ZNF385D: variants seen among roughly 807,000 people sequenced by gnomAD.
ZNF385D encodes the protein zinc finger protein 385D.
In ZNF385D, 15 loss-of-function variants were observed where a neutral mutation model predicts 35.8. The ratio of observed to expected loss-of-function variants is 0.42; its 90% CI spans 0.28 to 0.64. The LOEUF (loss-of-function observed/expected upper bound fraction) is 0.64. ZNF385D is among the 30% of genes least tolerant of loss of function. The pLI is 0.23. For missense variants in ZNF385D, 474 were observed against 494.6 expected, an observed-to-expected ratio of 0.96 and a Z score of 0.39; for synonymous variants, 212 against 186.8, an observed-to-expected ratio of 1.13 and a Z score of -1.10.
chr3:21,818,322 G>A (rs2073243080), intron 3 of ZNF385D, among the ~76,000 whole-genome samples: 1 of 152,002 alleles, frequency 6.6e-6, no homozygotes, highest in Admixed American at 6.6e-5. Context: ...TAGAACATAA[G>A]GTATAATAAT....
chr3:21,851,236 T>C (rs1371026817), intron 3 of ZNF385D, among the ~76,000 whole-genome samples: 3 of 152,016 alleles, frequency 2.0e-5, no homozygotes, highest in Non-Finnish European at 4.4e-5. Flanking sequence ...TGATCAGGCA[T>C]TACAGAAGAA....
At chr3:21,679,723 G>A (rs1450431769) in intron 1 of ZNF385D, among the ~76,000 whole-genome samples, 2 of 152,000 alleles carry the variant, frequency 1.3e-5, no homozygotes, top group African/African-American at 4.8e-5. Flanking sequence ...TTTGGAGGGA[G>A]GGAGACTAGC....
chr3:21,715,077 AT>A (rs1217599795), intron 1 of ZNF385D, among the ~76,000 whole-genome samples: 2 of 151,854 alleles, frequency 1.3e-5, no homozygotes, highest in East Asian at 1.9e-4. Context: ...CATATTTGCT[AT>A]TTTTTTTGCA....
At chr3:21,931,905 T>G (rs574962745) in intron 3 of ZNF385D, among the ~76,000 whole-genome samples, 13 of 152,164 alleles carry the variant, frequency 8.5e-5, no homozygotes, top group Non-Finnish European at 1.6e-4. Flanking sequence ...CTCACACCTG[T>G]AATCCCAGCA....
At chr3:21,867,410 G>A (rs1195588788) in intron 3 of ZNF385D, among the ~76,000 whole-genome samples, 2 of 152,118 alleles carry the variant, frequency 1.3e-5, no homozygotes, top group African/African-American at 4.8e-5. Flanking sequence ...ATTCCATTGT[G>A]CAGCCAAGGC....
At chr3:21,712,314 TG>T (rs1184751274) in intron 1 of ZNF385D, among the ~76,000 whole-genome samples, 1 of 152,204 alleles carries the variant, frequency 6.6e-6, no homozygotes, top group Non-Finnish European at 1.5e-5. Context: ...GCAGGATCCC[TG>T]CCCATTTAAG....
chr3:21,800,964 C>G (rs1400401008), intron 3 of ZNF385D, among the ~76,000 whole-genome samples: 2 of 152,064 alleles, frequency 1.3e-5, no homozygotes. Flanking sequence ...ATTAAGTGTA[C>G]TATTTATTAG....
chr3:21,467,471 A>G (rs1269299122), intron 4 of ZNF385D, among the ~76,000 whole-genome samples: 1 of 152,210 alleles, frequency 6.6e-6, no homozygotes, highest in African/African-American at 2.4e-5. Context: ...TTTACAAAAA[A>G]TAGTTTAAGG....
At chr3:21,628,392 T>G (rs1307514157) in intron 2 of ZNF385D, among the ~76,000 whole-genome samples, 1 of 152,102 alleles carries the variant, frequency 6.6e-6, no homozygotes, top group African/African-American at 2.4e-5. Context: ...GAGGATTTAG[T>G]CCTTAGTCTG....
intron 2 of ZNF385D, among the ~76,000 whole-genome samples, chr3:21,585,288 A>G (rs911282776): frequency 6.6e-6 from 1 of 152,182 alleles, no homozygotes; most frequent in Non-Finnish European, 1.5e-5. Flanking sequence ...GGATCATGTC[A>G]CTTCCTCTGA....
intron 3 of ZNF385D, among the ~76,000 whole-genome samples, chr3:21,792,960 C>T (rs1246557654): frequency 6.6e-6 from 1 of 152,110 alleles, no homozygotes; most frequent in African/African-American, 2.4e-5. Context: ...AATGGACCCT[C>T]CTCAGGAAAA....
intron 3 of ZNF385D, among the ~76,000 whole-genome samples, chr3:22,070,249 G>C (rs879758198): frequency 6.6e-6 from 1 of 152,078 alleles, no homozygotes; most frequent in Non-Finnish European, 1.5e-5. Context: ...CCTGGATAAA[G>C]AAATAGGTCC....
At chr3:21,870,474 T>C (rs373842105) in intron 3 of ZNF385D, among the ~76,000 whole-genome samples, 3 of 152,318 alleles carry the variant, frequency 2.0e-5, no homozygotes, top group African/African-American at 4.8e-5. Flanking sequence ...CGGCTACTTA[T>C]CTTCAACATG....
intron 1 of ZNF385D, among the ~76,000 whole-genome samples, chr3:21,714,748 C>A (rs926290749): frequency 6.6e-6 from 1 of 152,206 alleles, no homozygotes; most frequent in Admixed American, 6.5e-5. Flanking sequence ...CTTCCCTTTA[C>A]AGCAAAGCTC....
At chr3:21,455,267 C>T (rs113917530) in intron 4 of ZNF385D, among the ~76,000 whole-genome samples, 45,907 of 151,842 alleles carry the variant, frequency 0.3, 8,297 homozygotes, top group African/African-American at 0.51. Context: ...AAAAAGAACC[C>T]GCATCGCCAA....
Position 21,803,546 on chromosome 3 carries a change from G to GA in ZNF385D, c.326-138519dup, listed in dbSNP as rs551100411. 6.9e-3 allele frequency among the ~76,000 whole-genome samples: 1,049 copies of GA among 152,066 alleles called. 11 individuals carry two copies. Among genetic ancestry groups the GA allele is most frequent in the Non-Finnish European group, 7.8e-3 (532 of 67,990 alleles). On this transcript the variant is annotated intron_variant, in intron 3 of 5. Transcript: ENST00000494108. The stretch of plus-strand genomic sequence containing the variant: ...TCACATTTCAGCTTAATTTTACAGT[G>GA]AAAAAATATATTTTCTTTAAAATTA...
At chr3:22,139,027 C>CA (rs1175780600) in intron 3 of ZNF385D, among the ~76,000 whole-genome samples, 1 of 152,186 alleles carries the variant, frequency 6.6e-6, no homozygotes, top group Non-Finnish European at 1.5e-5. Context: ...AGACACTTCT[C>CA]AAAAGAAGAC....
intron 3 of ZNF385D, among the ~76,000 whole-genome samples, chr3:21,879,053 T>G (rs954937758): frequency 1.3e-5 from 2 of 152,124 alleles, no homozygotes; most frequent in Admixed American, 6.6e-5. Flanking sequence ...CCTTTGTTAT[T>G]TTTCATCATT....
At chr3:21,691,822 C>G (rs1382606617) in intron 1 of ZNF385D, among the ~76,000 whole-genome samples, 1 of 152,188 alleles carries the variant, frequency 6.6e-6, no homozygotes, top group African/African-American at 2.4e-5. Context: ...CACCACTATG[C>G]AAATCCAGAA....
Sources: allele counts gnomAD v4.1 joint callset (sites outside exome capture counted in the v4.1 genomes callset), GRCh38; gene constraint gnomAD v4.1.1; transcripts MANE v1.5; gene names NCBI Gene and HGNC (gene_info 2026-07-23, HGNC 2026-07-21).